ABRACL: variants seen among roughly 807,000 people sequenced by gnomAD.
The protein encoded by ABRACL is ABRA C-terminal like.
Under a neutral mutation model 7.0 loss-of-function variants are expected in ABRACL, and 4 were observed. That is an observed-to-expected ratio of 0.57 (90% CI 0.28 to 1.30). The LOEUF (loss-of-function observed/expected upper bound fraction) is 1.30. Among genes scored for constraint, ABRACL ranks in the 50% most tolerant of loss-of-function variants. The probability of loss-of-function intolerance (pLI) is 0.10; values close to 1 mark genes in which losing one functional copy is unlikely to be tolerated. For synonymous variants in ABRACL, 30 were observed against 36.0 expected (o/e 0.83, Z 0.60); for missense variants, 104 against 97.3 (o/e 1.07, Z -0.29).
chr6:139,040,709 A>G (rs554546810), intron 2 of ABRACL, among the ~76,000 whole-genome samples: 44 of 152,348 alleles, frequency 2.9e-4, no homozygotes, highest in African/African-American at 6.7e-4. Context: ...TTTGCTTTCC[A>G]GGCCAAACAT....
intron 2 of ABRACL, among the ~76,000 whole-genome samples, chr6:139,036,236 T>G: frequency 6.6e-6 from 1 of 152,024 alleles, no homozygotes; most frequent in Admixed American, 6.5e-5. Context: ...CCACCGTGCC[T>G]GGCCTGCCTC....
chr6:139,041,531 A>ATATATATATTT (rs748288046), intron 2 of ABRACL, among the ~76,000 whole-genome samples: 93 of 126,032 alleles, frequency 7.4e-4, no homozygotes, highest in African/African-American at 2.6e-3. Flanking sequence ...ATATATATAT[A>ATATATATATTT]TTTTTTTTTA....
At chr6:139,039,508 T>C (rs1318781885) in intron 2 of ABRACL, among the ~76,000 whole-genome samples, 1 of 152,204 alleles carries the variant, frequency 6.6e-6, no homozygotes, top group Non-Finnish European at 1.5e-5. Flanking sequence ...AGCTATTCAC[T>C]CAACTGAGTG....
intron 2 of ABRACL, chr6:139,034,512 A>G (rs1786126414): frequency 1.7e-6 from 2 of 1,198,616 alleles, no homozygotes; most frequent in South Asian, 2.1e-5. Flanking sequence ...GAAATTTGGT[A>G]ATTGAATCAT....
chr6:139,042,670 G>T (rs201515160), intron 2 of ABRACL, 49 bp from the exon 3 acceptor site: 11 of 1,518,604 alleles, frequency 7.2e-6, no homozygotes, highest in Non-Finnish European at 5.4e-6. Flanking sequence ...CATACTTGAG[G>T]GTATGAAACA....
At chr6:139,035,930 T>C (rs2114306414) in intron 2 of ABRACL, among the ~76,000 whole-genome samples, 1 of 148,904 alleles carries the variant, frequency 6.7e-6, no homozygotes, top group African/African-American at 2.5e-5. Flanking sequence ...TGAAACCCTG[T>C]CTCTACTAAA....
At position 139,042,932 on chromosome 6, in the gene ABRACL, A is replaced by G. The variant is rs1470424423; in HGVS notation, c.*29A>G. 2 of 1,528,860 alleles carry G rather than the reference A, an allele frequency of 1.3e-6. No homozygotes were observed. The highest frequency in any genetic ancestry group is 1.8e-6 in the Non-Finnish European group (2 of 1,133,614). The allele number at this position is 1,528,860 out of a possible 1,614,324, so 94.7% of individuals were successfully genotyped here. ...GGTTTACATATCTTTATGTACTGCC[A>G]TTTTTTGTTTCTGGTAAACTGGAAT... is the stretch of plus-strand genomic sequence containing the variant. On this transcript the variant is annotated 3_prime_UTR_variant, in exon 3 of 3. Transcript: ENST00000367660.
At chr6:139,039,157 G>A (rs958392439) in intron 2 of ABRACL, among the ~76,000 whole-genome samples, 1 of 151,712 alleles carries the variant, frequency 6.6e-6, no homozygotes, top group Non-Finnish European at 1.5e-5. Flanking sequence ...CCTGGGAGGC[G>A]GAGGTTGCAG....
At chr6:139,031,178 C>T (rs1582898190) in intron 1 of ABRACL, among the ~76,000 whole-genome samples, 2 of 152,130 alleles carry the variant, frequency 1.3e-5, no homozygotes, top group African/African-American at 4.8e-5. Flanking sequence ...TTTCATTCTC[C>T]CTCTGTCCAG....
chr6:139,041,531 A>ATATATTTTTT (rs748288046), intron 2 of ABRACL, among the ~76,000 whole-genome samples: 26 of 126,038 alleles, frequency 2.1e-4, no homozygotes, highest in South Asian at 1.7e-3. Flanking sequence ...ATATATATAT[A>ATATATTTTTT]TTTTTTTTTA....
At chr6:139,034,356 A>T in intron 2 of ABRACL, 135 bp downstream of exon 2, 4 of 1,572,510 alleles carry the variant, frequency 2.5e-6, no homozygotes, top group Non-Finnish European at 2.6e-6. Flanking sequence ...CCACAGCCCC[A>T]GGTTATAACT....
At chr6:139,032,020 G>A (rs922246544) in intron 1 of ABRACL, among the ~76,000 whole-genome samples, 3 of 151,752 alleles carry the variant, frequency 2.0e-5, no homozygotes, top group Non-Finnish European at 4.4e-5. Context: ...GAGTGCAGTG[G>A]CGTGATCTCG....
Sources: gnomAD v4.1 joint callset for allele counts (sites outside exome capture counted in the v4.1 genomes callset) on GRCh38, gnomAD v4.1.1 for gene constraint, MANE v1.5 for transcripts, NCBI Gene and HGNC (gene_info 2026-07-23, HGNC 2026-07-21) for gene names.